The following GPR55 variants were observed in gnomAD, a reference collection of about 807,000 sequenced individuals.
The protein encoded by GPR55 is G-protein coupled receptor 55.
A neutral mutation model predicts 7.9 loss-of-function variants in GPR55; 6 were observed. The ratio of observed to expected loss-of-function variants is 0.76; its 90% CI spans 0.41 to 1.49. The LOEUF (loss-of-function observed/expected upper bound fraction) is 1.49, where lower values mean the gene tolerates loss of function less well. GPR55 is among the 40% of genes most tolerant of loss of function. The pLI is 0.01. For missense variants in GPR55, 376 were observed against 406.0 expected (o/e 0.93, Z 0.63); for synonymous variants, 183 against 166.8 (o/e 1.10, Z -0.75).
intron 1 of GPR55, among the ~76,000 whole-genome samples, chr2:230,948,130 TC>T (rs1691348414): frequency 6.9e-6 from 1 of 144,924 alleles, no homozygotes; most frequent in African/African-American, 2.5e-5. Flanking sequence ...CACAGCTTCC[TC>T]CCTTGGTGAG....
chr2:230,913,490 A>T (rs1036587753), intron 1 of GPR55, among the ~76,000 whole-genome samples: 1 of 152,220 alleles, frequency 6.6e-6, no homozygotes, highest in Admixed American at 6.5e-5. Flanking sequence ...GGCTTTCCAA[A>T]GATTCTATGG....
intron 1 of GPR55, among the ~76,000 whole-genome samples, chr2:230,936,205 T>A (rs1195593265): frequency 3.9e-5 from 6 of 152,178 alleles, no homozygotes. Flanking sequence ...CAGTGGCCAG[T>A]ACTGAATTTT....
At position 230,909,158 on chromosome 2, in the gene GPR55, A is replaced by G. The variant is rs1457940232; in HGVS notation, c.*845T>C. 1 of 152,380 alleles carries G rather than the reference A, an allele frequency of 6.6e-6. No homozygotes were observed. The highest frequency in any genetic ancestry group is 2.4e-5 in the African/African-American group (1 of 41,444). The allele number at this position is 152,380 out of a possible 1,614,324, so 9.4% of individuals were successfully genotyped here. A position where few individuals can be genotyped will look rare whatever the true frequency, so the allele number is the denominator to read the frequency against. On this transcript the variant is annotated 3_prime_UTR_variant, in exon 2 of 2. Coordinates refer to ENST00000650999, the MANE Select transcript of GPR55 (RefSeq NM_005683.4). ...TCTCCCCGCTCCCAGGCCGTCTCTC[A>G]CTGTCTCTCTTCACCCTGGGCCAGC... is the stretch of plus-strand genomic sequence containing the variant.
intron 1 of GPR55, 117 bp from the exon 2 acceptor site, chr2:230,911,213 T>C: frequency 2.1e-6 from 1 of 480,798 alleles, no homozygotes; most frequent in South Asian, 3.8e-5. Context: ...CATACACACA[T>C]TTTTCTTTGA....
At chr2:230,947,056 C>T (rs552975896) in intron 1 of GPR55, among the ~76,000 whole-genome samples, 2 of 152,288 alleles carry the variant, frequency 1.3e-5, no homozygotes, top group East Asian at 3.9e-4. Context: ...TTCTGACGGC[C>T]CTGTCACATT....
chr2:230,947,406 A>G (rs947346165), intron 1 of GPR55, among the ~76,000 whole-genome samples: 6 of 152,058 alleles, frequency 3.9e-5, no homozygotes, highest in Non-Finnish European at 5.9e-5. Flanking sequence ...GTTGCAAGGT[A>G]TAATTGGGAC....
At chr2:230,957,833 A>G in intron 1 of GPR55, 1 of 612,634 alleles carries the variant, frequency 1.6e-6, no homozygotes, top group Non-Finnish European at 3.0e-6. Context: ...TGTAGGTATA[A>G]TTATGCAAAG....
At chr2:230,929,979 G>A (rs1220836355), upstream of GPR55, 2 of 152,322 alleles carry the variant, frequency 1.3e-5, no homozygotes, top group African/African-American at 4.8e-5. Flanking sequence ...TGGCGCTCAA[G>A]GGAGCAGAGT....
At chr2:230,940,580 C>T (rs1471039864) in intron 1 of GPR55, among the ~76,000 whole-genome samples, 2 of 152,186 alleles carry the variant, frequency 1.3e-5, no homozygotes, top group Non-Finnish European at 2.9e-5. Flanking sequence ...ACTGTGCCTC[C>T]TTAGAGTGGG....
chr2:230,953,243 C>G (rs1233428809), intron 1 of GPR55, among the ~76,000 whole-genome samples: 1 of 152,154 alleles, frequency 6.6e-6, no homozygotes, highest in Non-Finnish European at 1.5e-5. Context: ...GTACAAATCT[C>G]AAGAACTGGT....
At position 230,909,903 on chromosome 2, in the gene GPR55, A is replaced by G; in HGVS notation, c.*100T>C. 8.7e-7 allele frequency: 1 copy of G among 1,146,300 alleles called. No homozygotes were observed. Among genetic ancestry groups the G allele is most frequent in the East Asian group, 2.4e-5 (1 of 42,536 alleles). The allele number at this position is 1,146,300 out of a possible 1,614,324, so 71.0% of individuals were successfully genotyped here. On this transcript the variant is annotated 3_prime_UTR_variant, in exon 2 of 2. Transcript: ENST00000650999. ...ATCAAAGGGAAGCACATCAGTGAAG[A>G]TGGTGCGGATCATCCCACCACATCA... is the stretch of plus-strand genomic sequence containing the variant.
intron 1 of GPR55, among the ~76,000 whole-genome samples, chr2:230,920,964 TGAAAA>T (rs1332750554): frequency 1.3e-5 from 2 of 151,748 alleles, no homozygotes; most frequent in Non-Finnish European, 2.9e-5. Context: ...ACTAAGAAAA[TGAAAA>T]GACACAGAGT....
intron 1 of GPR55, among the ~76,000 whole-genome samples, chr2:230,911,652 A>G (rs1238063504): frequency 6.6e-6 from 1 of 152,212 alleles, no homozygotes; most frequent in African/African-American, 2.4e-5. Flanking sequence ...TCAGGGATTC[A>G]TAGTTGCCAA....
chr2:230,920,987 T>A (rs144535317), intron 1 of GPR55, among the ~76,000 whole-genome samples: 1 of 152,222 alleles, frequency 6.6e-6, no homozygotes, highest in Non-Finnish European at 1.5e-5. Flanking sequence ...AGTAAAATGA[T>A]AGCATAATCT....
intron 1 of GPR55, chr2:230,957,558 C>A: frequency 5.3e-6 from 2 of 378,608 alleles, no homozygotes; most frequent in Non-Finnish European, 1.0e-5. Context: ...GCGGCGCCGG[C>A]GGTGCTGGGC....
chr2:230,923,288 C>T lies in GPR55; in HGVS notation c.-135+1880G>A, dbSNP rs1445579505. Among the ~76,000 whole-genome samples the T allele has an allele frequency of 6.6e-6, 1 of 152,198 alleles. No individual in the cohort carries two copies. Among genetic ancestry groups the T allele is most frequent in the Non-Finnish European group, 1.5e-5 (1 of 68,042 alleles). ...GCAACTGAGAAGGTGGCCCTTCCTG[C>T]AGCTGCCAGGCTGTTATCTGCACAG... On this transcript the variant is annotated intron_variant, in intron 1 of 1. Transcript: ENST00000650999. The surrounding 1 kb of genome is among the most constrained non-coding windows in gnomAD (Gnocchi z 4.1).
chr2:230,945,070 G>A (rs993780059), intron 1 of GPR55, among the ~76,000 whole-genome samples: 4 of 152,238 alleles, frequency 2.6e-5, no homozygotes, highest in African/African-American at 9.6e-5. Flanking sequence ...CTAGGGGAAG[G>A]ATTTGTGTCT....
intron 1 of GPR55, among the ~76,000 whole-genome samples, chr2:230,915,381 T>C (rs1335128527): frequency 1.3e-5 from 2 of 152,096 alleles, no homozygotes; most frequent in East Asian, 1.9e-4. Flanking sequence ...CTTTCTACCA[T>C]CCGCAGCAGG....
intron 1 of GPR55, among the ~76,000 whole-genome samples, chr2:230,937,888 C>T (rs1238043383): frequency 6.6e-6 from 1 of 152,046 alleles, no homozygotes; most frequent in Non-Finnish European, 1.5e-5. Context: ...GGCACAGTGG[C>T]TCATGCTTGT....
Sources: gnomAD v4.1 joint callset for allele counts (sites outside exome capture counted in the v4.1 genomes callset) on GRCh38, gnomAD v4.1.1 for gene constraint, Gnocchi (gnomAD v3.1) non-coding constraint, MANE v1.5 for transcripts, NCBI Gene and HGNC (gene_info 2026-07-23, HGNC 2026-07-21) for gene names.